PLCB1: variants seen among roughly 807,000 people sequenced by gnomAD.
PLCB1 encodes the protein phospholipase C beta 1.
A neutral mutation model predicts 161.8 loss-of-function variants in PLCB1; 46 were observed. The observed-to-expected ratio is 0.28, with a 90% CI of 0.22 to 0.36. PLCB1 has a LOEUF of 0.36. PLCB1 is among the 10% of genes least tolerant of loss of function. PLCB1 has a pLI of 1.00. For missense variants in PLCB1, 1,016 were observed against 1,472.5 expected (o/e 0.69, Z 5.07); for synonymous variants, 517 against 503.7 (o/e 1.03, Z -0.35).
intron 2 of PLCB1, among the ~76,000 whole-genome samples, chr20:8,240,177 A>G (rs1055012553): frequency 6.6e-6 from 1 of 151,718 alleles, no homozygotes; most frequent in Admixed American, 6.6e-5. Context: ...AGCTGTGTGA[A>G]TGAGGTCAGT....
chr20:8,230,999 C>T (rs891938225), intron 2 of PLCB1, among the ~76,000 whole-genome samples: 2 of 152,056 alleles, frequency 1.3e-5, no homozygotes, highest in Non-Finnish European at 2.9e-5. Flanking sequence ...ACCTTGACCA[C>T]TATTTTTCCA....
chr20:8,198,501 A>C (rs1033919152), intron 2 of PLCB1, among the ~76,000 whole-genome samples: 15 of 152,114 alleles, frequency 9.9e-5, no homozygotes, highest in Non-Finnish European at 1.5e-4. Context: ...CCTAGGAAGA[A>C]TCTTACCTAG....
chr20:8,242,868 A>G (rs1980692270), intron 2 of PLCB1, among the ~76,000 whole-genome samples: 1 of 151,974 alleles, frequency 6.6e-6, no homozygotes, highest in Admixed American at 6.6e-5. Context: ...CTCTGGTTCA[A>G]TTGTGCTATG....
intron 2 of PLCB1, among the ~76,000 whole-genome samples, chr20:8,316,911 A>T (rs78679253): frequency 1.3e-5 from 2 of 152,062 alleles, no homozygotes; most frequent in East Asian, 3.9e-4. Flanking sequence ...TTATTTATTT[A>T]TTATGTTTTA....
intron 31 of PLCB1, among the ~76,000 whole-genome samples, chr20:8,827,590 A>G (rs1036834530): frequency 6.6e-6 from 1 of 152,248 alleles, no homozygotes; most frequent in East Asian, 1.9e-4. Flanking sequence ...AGCACATTTC[A>G]TGTGCTCAGT....
At chr20:8,435,012 A>G (rs1166308839) in intron 3 of PLCB1, among the ~76,000 whole-genome samples, 1 of 152,198 alleles carries the variant, frequency 6.6e-6, no homozygotes, top group Non-Finnish European at 1.5e-5. Context: ...TGCTGGGACC[A>G]TGCTGTATAG....
At chr20:8,611,973 A>G (rs1182484993) in intron 3 of PLCB1, among the ~76,000 whole-genome samples, 1 of 152,106 alleles carries the variant, frequency 6.6e-6, no homozygotes, top group Non-Finnish European at 1.5e-5. Context: ...CAAACTAGAG[A>G]TATATTCACC....
intron 23 of PLCB1, among the ~76,000 whole-genome samples, chr20:8,746,538 G>A (rs1163297686): frequency 6.6e-6 from 1 of 151,986 alleles, no homozygotes; most frequent in African/African-American, 2.4e-5. Flanking sequence ...TCAAGACAGG[G>A]TCTCAATATG....
intron 31 of PLCB1, among the ~76,000 whole-genome samples, chr20:8,815,730 A>T (rs545750770): frequency 2.6e-5 from 4 of 152,236 alleles, no homozygotes; most frequent in Non-Finnish European, 5.9e-5. Context: ...CAAAAGATCT[A>T]GAAATATCTG....
chr20:8,208,791 A>C (rs1978667353), intron 2 of PLCB1, among the ~76,000 whole-genome samples: 1 of 152,164 alleles, frequency 6.6e-6, no homozygotes, highest in Admixed American at 6.6e-5. Context: ...TATTGAATAT[A>C]ATTTCATAAA....
At chr20:8,577,297 G>A (rs1204786714) in intron 3 of PLCB1, among the ~76,000 whole-genome samples, 1 of 151,432 alleles carries the variant, frequency 6.6e-6, no homozygotes, top group African/African-American at 2.4e-5. Flanking sequence ...AATTAGCTGG[G>A]CGTGGTGGCG....
rs773333771 is a variant in PLCB1, at chr20:8,790,211, G to A, written c.3373G>A (p.Val1125Ile). Residue 1125 changes from valine to isoleucine, a missense_variant, in exon 31 of 32, where the codon GTA becomes ATA. By Grantham distance (29) the Val-to-Ile change is conservative. Transcript: ENST00000338037. ...GCAAAGTAAACGGCAAGAAAAACTC[G>A]TAGAGAAACACAAGGAAATACGTCA... ...EAQSKRQEKL[V>I]EKHKEIRQQI... The A allele has an allele frequency of 5.6e-6, 9 of 1,611,856 alleles. No homozygotes were observed. The highest frequency in any genetic ancestry group is 4.0e-5 in the African/African-American group (3 of 74,810).
chr20:8,543,620 C>A (rs1228751304), intron 3 of PLCB1, among the ~76,000 whole-genome samples: 111 of 129,520 alleles, frequency 8.6e-4, no homozygotes, highest in Admixed American at 7.7e-4. Context: ...CAAAGAGTTC[C>A]AAAAAAAAAA....
At chr20:8,763,790 A>G (rs1982167707) in intron 25 of PLCB1, among the ~76,000 whole-genome samples, 1 of 151,844 alleles carries the variant, frequency 6.6e-6, no homozygotes, top group East Asian at 2.0e-4. Flanking sequence ...AAGTGCTGGG[A>G]TTACAGGCAT....
intron 2 of PLCB1, among the ~76,000 whole-genome samples, chr20:8,203,417 G>T (rs1033104694): frequency 1.3e-5 from 2 of 152,114 alleles, no homozygotes; most frequent in Non-Finnish European, 2.9e-5. Flanking sequence ...CCAGTGTAGT[G>T]ATGAAAAGAA....
rs1213789048 is a variant in PLCB1 at position 8,739,283 on chromosome 20, G to A, written c.2231G>A (p.Cys744Tyr). Reference protein sequence around the residue: ...FKKVVLPTLACLRIAVYEEGG... With the variant: ...FKKVVLPTLAYLRIAVYEEGG... ...TAGGTGGTTCTTCCTACTCTGGCCT[G>A]TTTGAGAATAGCAGTTTATGAAGAA... The change falls in exon 21 of 32, where the codon TGT (cysteine) becomes TAT (tyrosine). Residue 744 changes from cysteine to tyrosine, a missense_variant. By Grantham distance (194) the Cys-to-Tyr change is radical (BLOSUM62 -2). This residue lies in a region of PLCB1 where 75 missense variants were observed against 117.0 expected (regional missense o/e 0.64). Transcript: ENST00000338037. 1 of 1,613,192 alleles carries A rather than the reference G, an allele frequency of 6.2e-7. No individual in the cohort carries two copies. Among genetic ancestry groups the A allele is most frequent in the Non-Finnish European group, 8.5e-7 (1 of 1,179,122 alleles).
intron 2 of PLCB1, among the ~76,000 whole-genome samples, chr20:8,328,280 C>T (rs913505527): frequency 1.4e-4 from 21 of 151,958 alleles, no homozygotes; most frequent in African/African-American, 4.6e-4. Context: ...TTCACCAAAT[C>T]TTTTTTTCTC....
At chr20:8,798,353 G>T (rs1534981) in intron 31 of PLCB1, among the ~76,000 whole-genome samples, 32,048 of 152,120 alleles carry the variant, frequency 0.21, 3,540 homozygotes, top group Middle Eastern at 0.31. Context: ...ATCAGTCAGG[G>T]TTCAACTAGA....
At chr20:8,450,448 T>C (rs1053854054) in intron 3 of PLCB1, among the ~76,000 whole-genome samples, 1 of 152,148 alleles carries the variant, frequency 6.6e-6, no homozygotes, top group African/African-American at 2.4e-5. Flanking sequence ...GGATCATTCT[T>C]AGGTAACATT....
Sources: gnomAD v4.1 joint callset for allele counts (sites outside exome capture counted in the v4.1 genomes callset) on GRCh38, gnomAD v4.1.1 for gene constraint, gnomAD v4.1.1 regional missense constraint, MANE v1.5 for transcripts, NCBI Gene and HGNC (gene_info 2026-07-23, HGNC 2026-07-21) for gene names.